VSTM5: variants seen among roughly 807,000 people sequenced by gnomAD.
VSTM5 encodes V-set and transmembrane domain-containing protein 5.
Under a neutral mutation model 20.3 loss-of-function variants are expected in VSTM5, and 21 were observed. The observed-to-expected ratio is 1.03, with a 90% CI of 0.73 to 1.49. VSTM5 has a LOEUF of 1.49. Ranked by LOEUF, VSTM5 falls within the 40% of genes most tolerant of loss-of-function variation. The pLI is 0.00. For missense variants in VSTM5, 219 were observed against 250.0 expected, an observed-to-expected ratio of 0.88 and a Z score of 0.84; for synonymous variants, 100 against 102.5, an observed-to-expected ratio of 0.98 and a Z score of 0.14.
rs544149921 is a variant in VSTM5 at position 93,837,689 on chromosome 11, G to A, written c.91+12723C>T. On this transcript the variant is annotated intron_variant, in intron 1 of 3. Coordinates refer to ENST00000409977, the MANE Select transcript of VSTM5 (RefSeq NM_001144871.2). Reference sequence around the variant, plus strand: ...AGAATTAAAGTGAATGCAGTATGCCGAATGCTTAGCACAGTGCCCTCACCC... The same window carrying A: ...AGAATTAAAGTGAATGCAGTATGCCAAATGCTTAGCACAGTGCCCTCACCC... Among the ~76,000 whole-genome samples, 7 of 152,160 alleles carry A rather than the reference G, an allele frequency of 4.6e-5. No individual in the cohort carries two copies. The South Asian group carries it at 1.2e-3, about 27-fold the overall frequency.
At chr11:93,843,727 TATC>T (rs1461628063) in intron 1 of VSTM5, among the ~76,000 whole-genome samples, 3 of 152,312 alleles carry the variant, frequency 2.0e-5, no homozygotes, top group Admixed American at 6.5e-5. Context: ...TGGAGGCTAT[TATC>T]AGTGATCTTT....
chr11:93,850,069 G>A (rs1483182002), intron 1 of VSTM5, among the ~76,000 whole-genome samples: 5 of 152,256 alleles, frequency 3.3e-5, no homozygotes, highest in Admixed American at 6.5e-5. Context: ...CAGAGGCGGC[G>A]GCCACAGGGC....
At chr11:93,823,846 A>G (rs1231346243) in intron 1 of VSTM5, among the ~76,000 whole-genome samples, 1 of 1,948 alleles carries the variant, frequency 5.1e-4, no homozygotes, top group Non-Finnish European at 0.029. Context: ...GAGCATGCAG[A>G]TATCTCTGAT....
At position 93,820,165 on chromosome 11, in the gene VSTM5, T is replaced by G; in HGVS notation, c.*404A>C. The G allele has an allele frequency of 4.4e-6, 1 of 229,112 alleles. No individual in the cohort carries two copies. Among genetic ancestry groups the G allele is most frequent in the Non-Finnish European group, 8.6e-6 (1 of 115,876 alleles). The allele number at this position is 229,112 out of a possible 1,614,324, so 14.2% of individuals were successfully genotyped here. ...AGCAGACAGGAGCACAGAAAGCATG[T>G]TCTAATGCTGGCTGCACATCCATCT... On this transcript the variant is annotated 3_prime_UTR_variant, in exon 4 of 4. Transcript: ENST00000409977.
chr11:93,820,599 C>G lies in VSTM5; in HGVS notation c.573G>C (p.Glu191Asp). ...RRHKLKESTT[E>D]EIELEDVEC ...ACTCAACATCTTCCAGCTCAATCTC[C>G]TCAGTTGTGCTTTCTGTAAAGCAAA... The change falls in exon 4 of 4, where the codon GAG becomes GAC. Residue 191 changes from glutamate to aspartate, a missense_variant. Coordinates refer to ENST00000409977, the MANE Select transcript of VSTM5 (RefSeq NM_001144871.2). The G allele has an allele frequency of 1.3e-6, 2 of 1,551,908 alleles. No individual in the cohort carries two copies. Among genetic ancestry groups the G allele is most frequent in the Non-Finnish European group, 1.7e-6 (2 of 1,147,046 alleles).
intron 1 of VSTM5, among the ~76,000 whole-genome samples, chr11:93,846,748 T>C (rs1179242404): frequency 2.1e-5 from 3 of 141,888 alleles, no homozygotes; most frequent in Non-Finnish European, 4.5e-5. Flanking sequence ...TGAATGCATT[T>C]TTAAAAAATT....
In VSTM5 at chr11:93,850,402, C is replaced by T. The variant is rs893465982; in HGVS notation, c.91+10G>A. 10 of 1,547,498 alleles carry T rather than the reference C, an allele frequency of 6.5e-6. No individual in the cohort carries two copies. The highest frequency in any genetic ancestry group is 1.4e-5 in the African/African-American group (1 of 72,844). On this transcript the variant is annotated intron_variant, in intron 1 of 3. Coordinates refer to ENST00000409977, the MANE Select transcript of VSTM5 (RefSeq NM_001144871.2). ...CTCCCCCAGCACCCGGGGCGTCCCC[C>T]GGAGCTTACTCTGCAGACAGCGGGC... is the stretch of plus-strand genomic sequence containing the variant.
intron 1 of VSTM5, among the ~76,000 whole-genome samples, chr11:93,835,091 C>T (rs954862015): frequency 6.6e-6 from 1 of 152,118 alleles, no homozygotes; most frequent in African/African-American, 2.4e-5. Context: ...CCAGATGTGG[C>T]CCTCAATCTT....
At chr11:93,829,470 A>C (rs115662229) in intron 1 of VSTM5, among the ~76,000 whole-genome samples, 2,280 of 152,344 alleles carry the variant, frequency 0.015, 26 homozygotes, top group Middle Eastern at 0.065. Flanking sequence ...ACAGGTTGGC[A>C]GTGAGCTGAG....
chr11:93,845,128 A>T (rs908630335), intron 1 of VSTM5, among the ~76,000 whole-genome samples: 6 of 152,208 alleles, frequency 3.9e-5, no homozygotes, highest in Non-Finnish European at 1.5e-5. Flanking sequence ...TTCTCTGGCC[A>T]CACATTGGAA....
At chr11:93,847,349 C>G (rs890240264) in intron 1 of VSTM5, among the ~76,000 whole-genome samples, 1 of 152,134 alleles carries the variant, frequency 6.6e-6, no homozygotes, top group African/African-American at 2.4e-5. Context: ...TCCTTCTATA[C>G]TGGCTCCCTC....
At chr11:93,824,324 C>T (rs1944215405) in intron 1 of VSTM5, among the ~76,000 whole-genome samples, 1 of 152,134 alleles carries the variant, frequency 6.6e-6, no homozygotes, top group Admixed American at 6.5e-5. Context: ...TCTTGACCAA[C>T]ATTTGTCACC....
In VSTM5 at chr11:93,849,139, C is replaced by T. The variant is rs150412317; in HGVS notation, c.91+1273G>A. ...ACATAATATTATTTTTTCTCTCTCT[C>T]TCTTCTTTTCTTTTTCTTTCGCTTT... On this transcript the variant is annotated intron_variant, in intron 1 of 3. Coordinates refer to ENST00000409977, the MANE Select transcript of VSTM5 (RefSeq NM_001144871.2). Among the ~76,000 whole-genome samples, 11 of 152,128 alleles carry T rather than the reference C, an allele frequency of 7.2e-5. No individual in the cohort carries two copies. The East Asian group carries it at 2.1e-3, about 29-fold the overall frequency.
rs771571317 is a variant in VSTM5, at chr11:93,821,070, G to A, written c.345C>T (p.Ser115=). The A allele has an allele frequency of 4.5e-5, 70 of 1,551,576 alleles. No homozygotes were observed. Among genetic ancestry groups the A allele is most frequent in the African/African-American group, 1.8e-4 (13 of 73,014 alleles). The change falls in exon 2 of 4, where the codon TCC becomes TCT. Residue 115 remains serine (S), a synonymous_variant. Transcript: ENST00000409977. ...IQLFSVGVRD[S]GYYVITVTER... Reference sequence around the variant, plus strand: ...CCGTCACGGTGATGACATAGTAGCCGGAATCCCTCACTCCCACGCTGAAGA... The same window carrying A: ...CCGTCACGGTGATGACATAGTAGCCAGAATCCCTCACTCCCACGCTGAAGA...
At chr11:93,830,793 C>G (rs1367999355) in intron 1 of VSTM5, among the ~76,000 whole-genome samples, 1 of 150,640 alleles carries the variant, frequency 6.6e-6, no homozygotes, top group Admixed American at 6.6e-5. Flanking sequence ...GGTCTCACTA[C>G]TGAGGCTGGA....
At chr11:93,831,511 C>T (rs1192157608) in intron 1 of VSTM5, among the ~76,000 whole-genome samples, 2 of 152,200 alleles carry the variant, frequency 1.3e-5, no homozygotes, top group Admixed American at 1.3e-4. Flanking sequence ...GTACCCATAC[C>T]TCCTGTGAGC....
At chr11:93,841,406 G>A (rs1944368860) in intron 1 of VSTM5, among the ~76,000 whole-genome samples, 1 of 152,174 alleles carries the variant, frequency 6.6e-6, no homozygotes, top group Non-Finnish European at 1.5e-5. Context: ...TGAATTCTTT[G>A]TTCAAAACAC....
intron 1 of VSTM5, among the ~76,000 whole-genome samples, chr11:93,842,197 A>T (rs1310403348): frequency 6.6e-6 from 1 of 152,214 alleles, no homozygotes; most frequent in Admixed American, 6.5e-5. Flanking sequence ...TAAGGTAATG[A>T]TCTCCCCATC....
chr11:93,832,837 C>G (rs1344592572), intron 1 of VSTM5, among the ~76,000 whole-genome samples: 1 of 152,174 alleles, frequency 6.6e-6, no homozygotes, highest in Admixed American at 6.5e-5. Context: ...GACTGGAACC[C>G]AAGTCTCTTT....
Sources: gnomAD v4.1 joint callset for allele counts (sites outside exome capture counted in the v4.1 genomes callset) on GRCh38, gnomAD v4.1.1 for gene constraint, MANE v1.5 for transcripts, NCBI Gene and HGNC (gene_info 2026-07-23, HGNC 2026-07-21) for gene names.